EHHADH: variants seen among roughly 807,000 people sequenced by gnomAD.
The protein encoded by EHHADH is peroxisomal bifunctional enzyme.
In EHHADH, 48 loss-of-function variants were observed where a neutral mutation model predicts 64.4. The observed-to-expected ratio is 0.75, with a 90% CI of 0.59 to 0.95. EHHADH has a LOEUF of 0.95. EHHADH is among the 40% of genes least tolerant of loss of function. EHHADH has a pLI of 0.00. For synonymous variants in EHHADH, 308 were observed against 326.7 expected, an observed-to-expected ratio of 0.94 and a Z score of 0.62; for missense variants, 854 against 876.6, an observed-to-expected ratio of 0.97 and a Z score of 0.33.
chr3:185,246,038 T>A lies in EHHADH; in HGVS notation c.178+2376A>T, dbSNP rs1210492277. ...AGCTTCATCTTTCTCTAGTAGTTCA[T>A]CCTCATCTGGGAACTTGACATTCTT... On this transcript the variant is annotated intron_variant, in intron 2 of 6. Coordinates refer to ENST00000231887, the MANE Select transcript of EHHADH (RefSeq NM_001966.4). 8 of 1,299,710 alleles carry A rather than the reference T, an allele frequency of 6.2e-6. No homozygotes were observed. In the Admixed American group the frequency reaches 1.3e-4, roughly 22 times the overall value. The allele number at this position is 1,299,710 out of a possible 1,614,324, so 80.5% of individuals were successfully genotyped here.
At chr3:185,193,947 C>T (rs1352362289) in intron 6 of EHHADH, among the ~76,000 whole-genome samples, 1 of 152,118 alleles carries the variant, frequency 6.6e-6, no homozygotes, top group African/African-American at 2.4e-5. Context: ...AATGGAAAAA[C>T]ATTAAATGTT....
intron 5 of EHHADH, among the ~76,000 whole-genome samples, chr3:185,215,094 G>C (rs1419370962): frequency 6.6e-6 from 1 of 152,058 alleles, no homozygotes; most frequent in African/African-American, 2.4e-5. Flanking sequence ...GCAAAAATTA[G>C]TGTCTTTTAA....
At chr3:185,244,045 A>G (rs1054732281) in intron 2 of EHHADH, among the ~76,000 whole-genome samples, 1 of 152,200 alleles carries the variant, frequency 6.6e-6, no homozygotes, top group Non-Finnish European at 1.5e-5. Context: ...TTTGGGATGC[A>G]TATATATTTA....
chr3:185,240,953 C>G (rs1719433142), intron 2 of EHHADH, among the ~76,000 whole-genome samples: 1 of 151,960 alleles, frequency 6.6e-6, no homozygotes, highest in African/African-American at 2.4e-5. Context: ...TATCCCTTGC[C>G]CCACTCCCAC....
chr3:185,214,608 A>G (rs1262751808), intron 5 of EHHADH, among the ~76,000 whole-genome samples: 5 of 152,218 alleles, frequency 3.3e-5, no homozygotes, highest in Non-Finnish European at 7.3e-5. Context: ...AAAATTTGTT[A>G]CATCGCCTTA....
rs1415037466 is a variant in EHHADH, at chr3:185,210,628, C to G, written c.569-5871G>C. ...CCAGCCTGGGCGACAGAGTGAGACT[C>G]TGTCTCAAAAAAAAAAAAAAAAAGG... is the stretch of plus-strand genomic sequence containing the variant. On this transcript the variant is annotated intron_variant, in intron 5 of 6. Transcript: ENST00000231887. 5.0e-5 allele frequency among the ~76,000 whole-genome samples: 7 copies of G among 140,508 alleles called. 1 individual carries two copies. The highest frequency in any genetic ancestry group is 1.1e-4 in the Non-Finnish European group (7 of 66,272). The allele number at this position is 140,508 out of a possible 152,430, so 92.2% of individuals were successfully genotyped here.
At chr3:185,253,405 A>C (rs1452042765) in intron 1 of EHHADH, 3 of 116,244 alleles carry the variant, frequency 2.6e-5, no homozygotes, top group African/African-American at 1.0e-4. Flanking sequence ...CGGCCTGCAC[A>C]CTGGGACCTG....
intron 4 of EHHADH, among the ~76,000 whole-genome samples, chr3:185,220,784 A>C (rs1293491275): frequency 6.6e-6 from 1 of 152,202 alleles, no homozygotes; most frequent in Non-Finnish European, 1.5e-5. Flanking sequence ...TGAGGTTGAG[A>C]GTTTCTTCTC....
At chr3:185,246,275 G>T in intron 2 of EHHADH, 1 of 826,798 alleles carries the variant, frequency 1.2e-6, no homozygotes, top group Non-Finnish European at 1.9e-6. Context: ...TGTCCTCATT[G>T]TCAGCTTCCA....
intron 4 of EHHADH, among the ~76,000 whole-genome samples, chr3:185,229,217 C>A (rs1432528396): frequency 1.3e-5 from 2 of 152,198 alleles, no homozygotes; most frequent in Non-Finnish European, 2.9e-5. Flanking sequence ...CATGCACTTT[C>A]ATTTAAAAGG....
intron 1 of EHHADH, 166 bp downstream of exon 1, chr3:185,253,777 GAAAAGA>G: frequency 3.4e-6 from 4 of 1,175,598 alleles, no homozygotes; most frequent in Non-Finnish European, 4.4e-6. Flanking sequence ...AAAAAAAAAA[GAAAAGA>G]AAAAGAAAGA....
chr3:185,204,345 A>C, intron 6 of EHHADH, 71 bp downstream of exon 6: 1 of 1,372,200 alleles, frequency 7.3e-7, no homozygotes, highest in Non-Finnish European at 9.9e-7. Flanking sequence ...AGCATCCGGT[A>C]GCCCTAAGCA....
chr3:185,247,347 A>C (rs1429105623), intron 2 of EHHADH, among the ~76,000 whole-genome samples: 1 of 151,848 alleles, frequency 6.6e-6, no homozygotes, highest in African/African-American at 2.4e-5. Context: ...CATTCTGAGC[A>C]CTCTTCCCAT....
intron 1 of EHHADH, among the ~76,000 whole-genome samples, chr3:185,252,270 C>T (rs1042942063): frequency 7.2e-5 from 11 of 151,950 alleles, no homozygotes; most frequent in African/African-American, 2.2e-4. Context: ...CGTGGTGGCA[C>T]GCACCTGTAG....
At position 185,201,945 on chromosome 3, in the gene EHHADH, A is replaced by G. The variant is rs547912913; in HGVS notation, c.910+2471T>C. Among the ~76,000 whole-genome samples, 4 of 152,352 alleles carry G rather than the reference A, an allele frequency of 2.6e-5. No individual in the cohort carries two copies. In the South Asian group the frequency reaches 8.3e-4, roughly 32 times the overall value. On this transcript the variant is annotated intron_variant, in intron 6 of 6. Transcript: ENST00000231887. ...GAAGGAGAAAGAGGTTAAGTGCACA[A>G]CAACTAGAAATAAATATTGGTATTG...
intron 2 of EHHADH, among the ~76,000 whole-genome samples, chr3:185,238,877 G>A (rs1015033492): frequency 2.6e-5 from 4 of 152,136 alleles, no homozygotes; most frequent in African/African-American, 9.6e-5. Flanking sequence ...ACGTCCAAAA[G>A]AGATTTCCTA....
intron 6 of EHHADH, among the ~76,000 whole-genome samples, chr3:185,194,073 T>A (rs1163100130): frequency 6.6e-6 from 1 of 152,284 alleles, no homozygotes; most frequent in African/African-American, 2.4e-5. Flanking sequence ...AATAAGCTGA[T>A]CCTAAAATTC....
chr3:185,208,095 T>A (rs1718444193), intron 5 of EHHADH, among the ~76,000 whole-genome samples: 1 of 152,248 alleles, frequency 6.6e-6, no homozygotes, highest in African/African-American at 2.4e-5. Flanking sequence ...CTGGCTTCAG[T>A]CTTGCTCATA....
chr3:185,219,502 G>A (rs538259752), intron 4 of EHHADH, among the ~76,000 whole-genome samples: 1 of 152,314 alleles, frequency 6.6e-6, no homozygotes, highest in African/African-American at 2.4e-5. Flanking sequence ...AGTACAGAAT[G>A]TCAGCAATAG....
Sources: gnomAD v4.1 joint callset for allele counts (sites outside exome capture counted in the v4.1 genomes callset) on GRCh38, gnomAD v4.1.1 for gene constraint, MANE v1.5 for transcripts, NCBI Gene and HGNC (gene_info 2026-07-23, HGNC 2026-07-21) for gene names.